PMFBP1: variants seen among roughly 807,000 people sequenced by gnomAD.
PMFBP1 encodes polyamine modulated factor 1 binding protein 1.
A neutral mutation model predicts 137.8 loss-of-function variants in PMFBP1; 131 were observed. That is an observed-to-expected ratio of 0.95 (90% CI 0.82 to 1.10). The LOEUF (loss-of-function observed/expected upper bound fraction) is 1.10. Among genes scored for constraint, PMFBP1 ranks in the 50% least tolerant of loss-of-function variants. The pLI is 0.00. For synonymous variants in PMFBP1, 490 were observed against 450.4 expected, an observed-to-expected ratio of 1.09 and a Z score of -1.11; for missense variants, 1,199 against 1,175.4, an observed-to-expected ratio of 1.02 and a Z score of -0.29.
chr16:72,134,996 A>G (rs2042602149), intron 9 of PMFBP1, among the ~76,000 whole-genome samples: 1 of 152,228 alleles, frequency 6.6e-6, no homozygotes. Flanking sequence ...GGTGCTTGGC[A>G]TATTTTAGGG....
At chr16:72,163,761 G>T (rs1338546743) in intron 3 of PMFBP1, among the ~76,000 whole-genome samples, 1 of 152,294 alleles carries the variant, frequency 6.6e-6, no homozygotes, top group East Asian at 1.9e-4. Flanking sequence ...ATGAATTAAT[G>T]GCATTCACAG....
chr16:72,226,766 C>A, the PMFBP1 span, among the ~76,000 whole-genome samples: 1 of 152,180 alleles, frequency 6.6e-6, no homozygotes, highest in South Asian at 2.1e-4. Flanking sequence ...TCTAGAGATT[C>A]GCAAAGAAGC....
At chr16:72,152,982 T>TG (rs2042925020) in intron 4 of PMFBP1, among the ~76,000 whole-genome samples, 1 of 152,076 alleles carries the variant, frequency 6.6e-6, no homozygotes, top group Non-Finnish European at 1.5e-5. Flanking sequence ...ACACACACAG[T>TG]TGCCATAACA....
intron 5 of PMFBP1, among the ~76,000 whole-genome samples, chr16:72,148,374 G>C (rs1296779242): frequency 6.7e-6 from 1 of 149,684 alleles, no homozygotes; most frequent in African/African-American, 2.5e-5. Context: ...CTGTCGGGGG[G>C]TGGGGGGCTG....
rs2042408443 is a variant in PMFBP1 at position 72,123,553 on chromosome 16, GT to G, written c.2685del (p.Lys895AsnfsTer10). The G allele has an allele frequency of 1.2e-6, 2 of 1,613,916 alleles. No individual in the cohort carries two copies. Among genetic ancestry groups the G allele is most frequent in the Non-Finnish European group, 1.7e-6 (2 of 1,179,950 alleles). On this transcript the variant is annotated frameshift_variant, in exon 18 of 21. Transcript: ENST00000237353. LOFTEE classifies it high-confidence loss of function. ...TTTTCCTCCCATACTCACTTCTGCT[GT>G]TTTGCCCATTGCTCCAAGTTGGTCA... Reference protein sequence around the residue: ...QIMTNLEQWAKQQKVANEKLG... With the variant: ...QIMTNLEQWAXQQKVANEKLG...
chr16:72,150,915 G>C (rs1208659632), intron 4 of PMFBP1, 86 bp from the exon 5 acceptor site: 1 of 1,170,974 alleles, frequency 8.5e-7, no homozygotes, highest in Non-Finnish European at 1.3e-6. Flanking sequence ...CTGCAGAGAA[G>C]TCTTGTATCT....
chr16:72,147,301 T>C (rs1276605968), intron 5 of PMFBP1, among the ~76,000 whole-genome samples: 1 of 152,218 alleles, frequency 6.6e-6, no homozygotes, highest in East Asian at 1.9e-4. Context: ...TAAATGGTGC[T>C]GGGAAAACTG....
In PMFBP1 at chr16:72,128,735, C is replaced by T. The variant is rs761250170; in HGVS notation, c.2010G>A (p.Gln670=). 6.2e-7 allele frequency: 1 copy of T among 1,614,158 alleles called. No individual in the cohort carries two copies. ...EENENLRAEL[Q]CCSTQLESSL... is the part of the protein sequence containing the mutation. Reference sequence around the variant, plus strand: ...AGGATTCCAGTTGTGTAGAACAACACTGTAGCTCTGCTCGGAGATTCTCAT... The same window carrying T: ...AGGATTCCAGTTGTGTAGAACAACATTGTAGCTCTGCTCGGAGATTCTCAT... Residue 670 remains glutamine, a synonymous_variant, in exon 14 of 21, where the codon CAG becomes CAA. Transcript: ENST00000237353.
At chr16:72,189,504 G>C in the PMFBP1 span, among the ~76,000 whole-genome samples, 1 of 152,350 alleles carries the variant, frequency 6.6e-6, no homozygotes, top group African/African-American at 2.4e-5. Flanking sequence ...AACTGGCAAA[G>C]AGGGCTGAGA....
chr16:72,181,937 A>G, the PMFBP1 span, among the ~76,000 whole-genome samples: 1 of 152,248 alleles, frequency 6.6e-6, no homozygotes, highest in African/African-American at 2.4e-5. Flanking sequence ...GGCCGCATGT[A>G]AAATACACTA....
the PMFBP1 span, among the ~76,000 whole-genome samples, chr16:72,237,599 G>A: frequency 4.6e-5 from 7 of 151,806 alleles, no homozygotes; most frequent in South Asian, 2.1e-4. Context: ...CAAAAATGTC[G>A]TTTTGTATCT....
At chr16:72,213,208 G>A in the PMFBP1 span, among the ~76,000 whole-genome samples, 4 of 147,488 alleles carry the variant, frequency 2.7e-5, no homozygotes, top group Non-Finnish European at 3.0e-5. Context: ...GGGGGGGGGT[G>A]GGGAAAGGGT....
chr16:72,219,418 G>A, the PMFBP1 span, among the ~76,000 whole-genome samples: 1 of 152,136 alleles, frequency 6.6e-6, no homozygotes, highest in Non-Finnish European at 1.5e-5. Context: ...GAGGGAAGAG[G>A]CACCCAGGAG....
At chr16:72,139,643 A>C (rs1296879337) in intron 6 of PMFBP1, among the ~76,000 whole-genome samples, 1 of 151,970 alleles carries the variant, frequency 6.6e-6, no homozygotes, top group Non-Finnish European at 1.5e-5. Context: ...TCTCTCCTAA[A>C]CCTCCGTTTG....
chr16:72,245,112 A>G, the PMFBP1 span, among the ~76,000 whole-genome samples: 2 of 152,192 alleles, frequency 1.3e-5, no homozygotes, highest in Non-Finnish European at 2.9e-5. Context: ...AAAGGGATTA[A>G]TGAGTTCAGG....
At chr16:72,227,738 C>T in the PMFBP1 span, among the ~76,000 whole-genome samples, 1 of 152,104 alleles carries the variant, frequency 6.6e-6, no homozygotes, top group Non-Finnish European at 1.5e-5. Context: ...ACAAAACCAG[C>T]TACTAATCCT....
chr16:72,206,452 T>C, the PMFBP1 span, among the ~76,000 whole-genome samples: 3 of 152,218 alleles, frequency 2.0e-5, no homozygotes, highest in Admixed American at 2.0e-4. Flanking sequence ...AAGTCACTCC[T>C]GATACTGCTG....
the PMFBP1 span, among the ~76,000 whole-genome samples, chr16:72,213,939 G>A: frequency 4.6e-5 from 7 of 152,280 alleles, no homozygotes; most frequent in South Asian, 1.4e-3. Context: ...TAATCATCCT[G>A]TTGTAAATAT....
At chr16:72,196,489 C>G in the PMFBP1 span, among the ~76,000 whole-genome samples, 1 of 152,190 alleles carries the variant, frequency 6.6e-6, no homozygotes, top group Non-Finnish European at 1.5e-5. Flanking sequence ...TGTAAATCCT[C>G]ATAGGCAAAG....
Sources: allele counts gnomAD v4.1 joint callset (sites outside exome capture counted in the v4.1 genomes callset), GRCh38; gene constraint gnomAD v4.1.1; transcripts MANE v1.5; gene names NCBI Gene and HGNC (gene_info 2026-07-23, HGNC 2026-07-21).